The following DAAM2 variants were observed in gnomAD, a reference collection of about 807,000 sequenced individuals.
The protein encoded by DAAM2 is disheveled-associated activator of morphogenesis 2.
DAAM2 carries 39 observed loss-of-function variants against 120.7 expected under a neutral mutation model. The ratio of observed to expected loss-of-function variants is 0.32; its 90% CI spans 0.25 to 0.42. The LOEUF (loss-of-function observed/expected upper bound fraction) is 0.42. Ranked by LOEUF, DAAM2 falls within the 10% of genes least tolerant of loss-of-function variation. The pLI is 1.00. For missense variants in DAAM2, 1,283 were observed against 1,401.7 expected (o/e 0.92, Z 1.35); for synonymous variants, 488 against 524.9 (o/e 0.93, Z 0.96).
rs1766542239 is a variant in DAAM2, at chr6:39,902,325, G to C, written c.*288G>C. The C allele has an allele frequency of 3.3e-6, 1 of 306,196 alleles. No homozygotes were observed. Among genetic ancestry groups the C allele is most frequent in the Non-Finnish European group, 6.0e-6 (1 of 167,130 alleles). 19.0% of individuals were successfully genotyped at this position (306,196 alleles called of 1,614,324 possible). A position where few individuals can be genotyped will look rare whatever the true frequency, so the allele number is the denominator to read the frequency against. On this transcript the variant is annotated 3_prime_UTR_variant, in exon 25 of 25. Coordinates refer to ENST00000274867, the MANE Select transcript of DAAM2 (RefSeq NM_001201427.2). The stretch of plus-strand genomic sequence containing the variant: ...GGTAACCCCAGGCTGAAGGGGCCCT[G>C]CTCCCCATCCCCTACCATGGGCACC...
At chr6:39,811,488 T>A (rs9380897) in intron 1 of DAAM2, among the ~76,000 whole-genome samples, 17,059 of 152,042 alleles carry the variant, frequency 0.11, 1,144 homozygotes, top group Non-Finnish European at 0.15. Flanking sequence ...AGGGGACTTT[T>A]GGGGAGAGCT....
At position 39,890,260 on chromosome 6, in the gene DAAM2, G is replaced by A. The variant is rs572684765; in HGVS notation, c.2146-1081G>A. On this transcript the variant is annotated intron_variant, in intron 17 of 24. Transcript: ENST00000274867. ...GGTTGGTCTTGCTGTCTCAGGGATGGCAGAGGCAGAAGAAAATCCACATAC... is the reference window on the plus strand; with the variant it reads ...GGTTGGTCTTGCTGTCTCAGGGATGACAGAGGCAGAAGAAAATCCACATAC... Among the ~76,000 whole-genome samples, 144 of 152,304 alleles carry A rather than the reference G, an allele frequency of 9.5e-4. 1 individual carries two copies. The Middle Eastern group carries it at 0.014, about 14-fold the overall frequency.
chr6:39,824,349 T>C (rs1762592668), intron 1 of DAAM2, among the ~76,000 whole-genome samples: 1 of 152,190 alleles, frequency 6.6e-6, no homozygotes, highest in Admixed American at 6.5e-5. Context: ...AATCAGGATC[T>C]GGTCACCTGT....
In DAAM2 at chr6:39,800,763, C is replaced by T. The variant is rs182316057; in HGVS notation, c.-57+8298C>T. Among the ~76,000 whole-genome samples the T allele has an allele frequency of 5.8e-3, 881 of 152,350 alleles. 12 individuals carry two copies. Among genetic ancestry groups the T allele is most frequent in the African/African-American group, 0.016 (670 of 41,584 alleles). On this transcript the variant is annotated intron_variant, in intron 1 of 24. Transcript: ENST00000274867. The stretch of plus-strand genomic sequence containing the variant: ...CTGCCGCAATGTGGGACAATTCTAA[C>T]GGGCGTGCCAGCTTCAGGGCTCCCT...
intron 2 of DAAM2, 71 bp downstream of exon 2, chr6:39,856,541 G>A (rs1764013270): frequency 1.6e-6 from 2 of 1,250,718 alleles, no homozygotes; most frequent in Non-Finnish European, 1.0e-6. Flanking sequence ...GCTGGACAGA[G>A]GGCAGGGCCC....
chr6:39,809,263 TGGG>T (rs915148729), intron 1 of DAAM2, among the ~76,000 whole-genome samples: 1 of 152,078 alleles, frequency 6.6e-6, no homozygotes, highest in Admixed American at 6.5e-5. Flanking sequence ...AGAAACGTAA[TGGG>T]GGAGTGGGCA....
chr6:39,832,013 C>T (rs916865820), intron 1 of DAAM2, among the ~76,000 whole-genome samples: 8 of 109,954 alleles, frequency 7.3e-5, no homozygotes, highest in African/African-American at 2.9e-4. Context: ...GGCAGGTATA[C>T]TGGAGGGACA....
intron 1 of DAAM2, among the ~76,000 whole-genome samples, chr6:39,841,860 G>A (rs928631029): frequency 4.6e-5 from 7 of 152,106 alleles, no homozygotes; most frequent in South Asian, 2.1e-4. Context: ...TCTCGTTTCC[G>A]TCAGAGAAAG....
At position 39,868,824 on chromosome 6, in the gene DAAM2, C is replaced by T; in HGVS notation, c.764C>T (p.Thr255Ile). 6.4e-7 allele frequency: 1 copy of T among 1,573,364 alleles called. No homozygotes were observed. The highest frequency in any genetic ancestry group is 8.6e-7 in the Non-Finnish European group (1 of 1,159,286). ...GCTCTGTCCTGCATTTCCACCTAGA[C>T]CCTGCTGAACGAGCTAGACCGAAGT... is the stretch of plus-strand genomic sequence containing the variant. ...VYAAERTRFQ[T>I]LLNELDRSLG... The change falls in exon 7 of 25, where the codon ACC becomes ATC. Residue 255 changes from threonine (T) to isoleucine (I), a missense_variant and splice_region_variant. Coordinates refer to ENST00000274867, the MANE Select transcript of DAAM2 (RefSeq NM_001201427.2).
intron 1 of DAAM2, among the ~76,000 whole-genome samples, chr6:39,832,986 G>A (rs1430047022): frequency 6.6e-6 from 1 of 152,078 alleles, no homozygotes; most frequent in Admixed American, 6.5e-5. Context: ...GGTTCTAAAT[G>A]GGTGGGCCCG....
rs552779936 is a variant in DAAM2 at position 39,883,934 on chromosome 6, G to A, written c.1846-28G>A. On this transcript the variant is annotated intron_variant, in intron 14 of 24. Coordinates refer to ENST00000274867, the MANE Select transcript of DAAM2 (RefSeq NM_001201427.2). ...TTCATGATGGAGTTGGGCCAACCATGGGATCTTCTCCCTACCCTGAATTTT... is the reference window on the plus strand; with the variant it reads ...TTCATGATGGAGTTGGGCCAACCATAGGATCTTCTCCCTACCCTGAATTTT... 6 of 1,519,690 alleles carry A rather than the reference G, an allele frequency of 3.9e-6. No individual in the cohort carries two copies. In the Admixed American group the frequency reaches 1.0e-4, roughly 26 times the overall value. 94.1% of individuals were successfully genotyped at this position (1,519,690 alleles called of 1,614,324 possible).
intron 17 of DAAM2, 61 bp from the exon 18 acceptor site, chr6:39,891,280 C>A: frequency 1.5e-6 from 2 of 1,333,080 alleles, no homozygotes; most frequent in Non-Finnish European, 2.1e-6. Flanking sequence ...GCTTCTCACA[C>A]CCTGTACCCC....
chr6:39,860,485 TG>T (rs2149291505), intron 2 of DAAM2, among the ~76,000 whole-genome samples: 3 of 152,294 alleles, frequency 2.0e-5, no homozygotes, highest in African/African-American at 7.2e-5. Flanking sequence ...GGCAAGAATC[TG>T]AGAGAGGCAG....
At chr6:39,849,440 C>T (rs1223087878) in intron 1 of DAAM2, among the ~76,000 whole-genome samples, 1 of 152,200 alleles carries the variant, frequency 6.6e-6, no homozygotes, top group Non-Finnish European at 1.5e-5. Context: ...ATAGTCTTTA[C>T]TTTTACTAGG....
At chr6:39,830,073 A>T (rs957750251) in intron 1 of DAAM2, among the ~76,000 whole-genome samples, 1 of 151,406 alleles carries the variant, frequency 6.6e-6, no homozygotes, top group African/African-American at 2.4e-5. Flanking sequence ...CCCCTTTCCG[A>T]CTGGGAGATT....
intron 1 of DAAM2, among the ~76,000 whole-genome samples, chr6:39,804,286 A>G (rs1454413198): frequency 1.3e-5 from 2 of 152,136 alleles, no homozygotes; most frequent in African/African-American, 4.8e-5. Context: ...ATACTCCTAG[A>G]AGGTTAGGAC....
In DAAM2 at chr6:39,871,541, ATGACCT is replaced by A. The variant is rs1764663350; in HGVS notation, c.1014_1019del (p.Asp338_Leu340delinsGlu). ...TTCTTCGAGATGGTGCGGAATGAGG[ATGACCT>A]GGAGCTAGCCAGGAGGTTTGACATG... On this transcript the variant is annotated inframe_deletion, in exon 9 of 25. Transcript: ENST00000274867. 2 of 1,551,098 alleles carry A rather than the reference ATGACCT, an allele frequency of 1.3e-6. No homozygotes were observed. The highest frequency in any genetic ancestry group is 2.7e-5 in the African/African-American group (2 of 72,978).
At chr6:39,879,590 G>T in intron 14 of DAAM2, 113 bp downstream of exon 14, 3 of 1,409,864 alleles carry the variant, frequency 2.1e-6, no homozygotes, top group Non-Finnish European at 3.0e-6. Context: ...TTCTTTGGTG[G>T]GGGGTAAGGG....
At chr6:39,829,102 T>C (rs1001163428) in intron 1 of DAAM2, among the ~76,000 whole-genome samples, 5 of 152,242 alleles carry the variant, frequency 3.3e-5, no homozygotes, top group South Asian at 2.1e-4. Flanking sequence ...GAATGGTTAC[T>C]GTTTGGATAA....
Sources: allele counts gnomAD v4.1 joint callset (sites outside exome capture counted in the v4.1 genomes callset), GRCh38; gene constraint gnomAD v4.1.1; transcripts MANE v1.5; gene names NCBI Gene and HGNC (gene_info 2026-07-23, HGNC 2026-07-21).